The following XRRA1 variants were observed in gnomAD, a reference collection of about 807,000 sequenced individuals.
XRRA1 encodes the protein X-ray radiation resistance associated 1.
A neutral mutation model predicts 80.2 loss-of-function variants in XRRA1; 69 were observed. The observed-to-expected ratio is 0.86, with a 90% confidence interval of 0.71 to 1.05. The LOEUF (loss-of-function observed/expected upper bound fraction) is 1.05, where lower values mean the gene tolerates loss of function less well. Among genes scored for constraint, XRRA1 ranks in the 50% least tolerant of loss-of-function variants. The probability of loss-of-function intolerance (pLI) is 0.00; values close to 1 mark genes in which losing one functional copy is unlikely to be tolerated. For synonymous variants in XRRA1, 348 were observed against 389.9 expected (o/e 0.89, Z 1.27); for missense variants, 967 against 976.4 (o/e 0.99, Z 0.13).
chr11:74,841,473 G>A lies in XRRA1; in HGVS notation c.*1727C>T, dbSNP rs2036534690. On this transcript the variant is annotated 3_prime_UTR_variant, in exon 19 of 19. Transcript: ENST00000684022. The stretch of plus-strand genomic sequence containing the variant: ...ACCAGTTTAGAGATCAGTCAAATTG[G>A]AAAAAGTGCCAAGACTGGATGTGCA... The A allele has an allele frequency of 6.6e-6, 1 of 152,116 alleles. No homozygotes were observed. Among genetic ancestry groups the A allele is most frequent in the East Asian group, 1.9e-4 (1 of 5,202 alleles). The allele number at this position is 152,116 out of a possible 1,614,324, so 9.4% of individuals were successfully genotyped here. A position where few individuals can be genotyped will look rare whatever the true frequency, so the allele number is the denominator to read the frequency against.
In XRRA1 at chr11:74,927,939, AATAC is replaced by A. The variant is rs376360253; in HGVS notation, c.425-455_425-452del. Among the ~76,000 whole-genome samples the A allele has an allele frequency of 1.6e-4, 25 of 152,350 alleles. No homozygotes were observed. In the East Asian group the frequency reaches 3.7e-3, roughly 22 times the overall value. ...CAACTTTTTCTCATGTATATATCAA[AATAC>A]ATACCTCTTTTAACAAAAATAGAGT... is the stretch of plus-strand genomic sequence containing the variant. On this transcript the variant is annotated intron_variant, in intron 6 of 18. Transcript: ENST00000684022.
chr11:74,881,699 C>T (rs1376530510), intron 10 of XRRA1, among the ~76,000 whole-genome samples: 1 of 146,394 alleles, frequency 6.8e-6, no homozygotes, highest in Non-Finnish European at 1.5e-5. Flanking sequence ...GTAAGGCAGG[C>T]CTGGTGGTGA....
intron 1 of XRRA1, among the ~76,000 whole-genome samples, chr11:74,945,988 G>C (rs1228438896): frequency 6.6e-6 from 1 of 151,570 alleles, no homozygotes; most frequent in Admixed American, 6.6e-5. Context: ...CTTGAGACAA[G>C]GTCTCACTCT....
chr11:74,887,337 T>A (rs2049286129), intron 10 of XRRA1, among the ~76,000 whole-genome samples: 1 of 152,196 alleles, frequency 6.6e-6, no homozygotes, highest in African/African-American at 2.4e-5. Context: ...AAAGGTCTAC[T>A]ATCCAGAATC....
intron 10 of XRRA1, among the ~76,000 whole-genome samples, chr11:74,886,651 A>G (rs1370022166): frequency 6.6e-6 from 1 of 152,268 alleles, no homozygotes; most frequent in Non-Finnish European, 1.5e-5. Context: ...AAAGCAATTT[A>G]TAGATTCAAT....
At chr11:74,946,657 T>C (rs141896163) in intron 1 of XRRA1, among the ~76,000 whole-genome samples, 11 of 152,306 alleles carry the variant, frequency 7.2e-5, no homozygotes, top group African/African-American at 2.6e-4. Context: ...TACCACACTG[T>C]ATTATAATGC....
intron 2 of XRRA1, among the ~76,000 whole-genome samples, chr11:74,944,280 C>T (rs745777631): frequency 3.9e-5 from 6 of 152,150 alleles, no homozygotes; most frequent in Admixed American, 6.5e-5. Flanking sequence ...ATAGGAAGCA[C>T]GCAATAGACA....
At chr11:74,863,487 T>C (rs565986895) in intron 10 of XRRA1, 6 of 159,322 alleles carry the variant, frequency 3.8e-5, no homozygotes, top group Admixed American at 3.1e-4. Flanking sequence ...GAAATATTTC[T>C]TATATTAGTA....
At chr11:74,899,059 ATCT>A (rs147160822) in intron 10 of XRRA1, among the ~76,000 whole-genome samples, 5,465 of 152,286 alleles carry the variant, frequency 0.036, 88 homozygotes, top group Middle Eastern at 0.051. Flanking sequence ...AATATCAAAC[ATCT>A]TCTCTGACCA....
intron 10 of XRRA1, among the ~76,000 whole-genome samples, chr11:74,894,998 C>T (rs9645710): frequency 6.6e-6 from 1 of 152,154 alleles, no homozygotes; most frequent in African/African-American, 2.4e-5. Context: ...GAGGGCAGAG[C>T]AAGATGGCAG....
Position 74,946,488 on chromosome 11 carries a change from T to C in XRRA1, c.-72-1403A>G, listed in dbSNP as rs148104381. ...TCTTGCCCTCTCTTGCCTGTTGCCA[T>C]GTAAGACTTGCCTCTTCCCTTTCCG... On this transcript the variant is annotated intron_variant, in intron 1 of 18. Coordinates refer to ENST00000684022, the MANE Select transcript of XRRA1 (RefSeq NM_001378157.1). 5.5e-3 allele frequency among the ~76,000 whole-genome samples: 838 copies of C among 152,340 alleles called. 6 individuals are homozygous for C. The highest frequency in any genetic ancestry group is 8.1e-3 in the South Asian group (39 of 4,824).
At chr11:74,908,725 G>A (rs2044569560) in intron 8 of XRRA1, among the ~76,000 whole-genome samples, 1 of 152,138 alleles carries the variant, frequency 6.6e-6, no homozygotes, top group South Asian at 2.1e-4. Context: ...GAAGTATGTG[G>A]GGAAGGCGCC....
At chr11:74,860,575 A>G (rs186366605) in intron 11 of XRRA1, among the ~76,000 whole-genome samples, 28 of 152,352 alleles carry the variant, frequency 1.8e-4, no homozygotes, top group African/African-American at 6.7e-4. Flanking sequence ...CTCACTTTCT[A>G]GATTTTCAGA....
chr11:74,893,272 T>C (rs2051276043), intron 10 of XRRA1, among the ~76,000 whole-genome samples: 1 of 152,168 alleles, frequency 6.6e-6, no homozygotes. Flanking sequence ...TGTATGAAGC[T>C]GGAAATCATC....
At chr11:74,925,176 G>C (rs1941922018) in intron 7 of XRRA1, among the ~76,000 whole-genome samples, 1 of 152,240 alleles carries the variant, frequency 6.6e-6, no homozygotes, top group Admixed American at 6.5e-5. Flanking sequence ...GTCCCAGAGA[G>C]GGTACGTTGT....
At chr11:74,914,504 AGGGTACCATACATC>A (rs1937859380) in intron 8 of XRRA1, among the ~76,000 whole-genome samples, 1 of 152,198 alleles carries the variant, frequency 6.6e-6, no homozygotes, top group Non-Finnish European at 1.5e-5. Context: ...CTGTACAGAT[AGGGTACCATACATC>A]CTGGATTTCA....
At chr11:74,942,592 GCAGA>G (rs1312569592) in intron 2 of XRRA1, among the ~76,000 whole-genome samples, 1 of 152,156 alleles carries the variant, frequency 6.6e-6, no homozygotes, top group East Asian at 1.9e-4. Context: ...CCCAGCCCTG[GCAGA>G]CAGAGTCACT....
chr11:74,877,558 C>G (rs2046338685), intron 10 of XRRA1, among the ~76,000 whole-genome samples: 1 of 151,586 alleles, frequency 6.6e-6, no homozygotes, highest in Admixed American at 6.6e-5. Context: ...GTGCGCTGCA[C>G]CCACTAACTT....
At chr11:74,882,556 A>G (rs1221905159) in intron 10 of XRRA1, among the ~76,000 whole-genome samples, 1 of 152,148 alleles carries the variant, frequency 6.6e-6, no homozygotes, top group Non-Finnish European at 1.5e-5. Flanking sequence ...CTGGTGAGGA[A>G]CTGCGTTCCT....
Sources: gnomAD v4.1 joint callset for allele counts (sites outside exome capture counted in the v4.1 genomes callset) on GRCh38, gnomAD v4.1.1 for gene constraint, MANE v1.5 for transcripts, NCBI Gene and HGNC (gene_info 2026-07-23, HGNC 2026-07-21) for gene names.